SLC5A8: variants seen among roughly 807,000 people sequenced by gnomAD.
SLC5A8 encodes the protein sodium-coupled monocarboxylate transporter 1.
A neutral mutation model predicts 71.9 loss-of-function variants in SLC5A8; 55 were observed. The observed-to-expected ratio is 0.77, with a 90% confidence interval of 0.62 to 0.96. The LOEUF is 0.96. SLC5A8 is among the 40% of genes least tolerant of loss of function. The probability of loss-of-function intolerance (pLI) is 0.00; values close to 1 mark genes in which losing one functional copy is unlikely to be tolerated. For missense variants in SLC5A8, 701 were observed against 745.3 expected, an observed-to-expected ratio of 0.94 and a Z score of 0.69; for synonymous variants, 307 against 276.1, an observed-to-expected ratio of 1.11 and a Z score of -1.11.
chr12:101,174,673 GAT>G, intron 10 of SLC5A8, among the ~76,000 whole-genome samples: 1 of 152,130 alleles, frequency 6.6e-6, no homozygotes, highest in East Asian at 1.9e-4. Context: ...AGCCCTGCAA[GAT>G]ATTTCAGTGG....
Position 101,156,493 on chromosome 12 carries a change from C to A in SLC5A8, c.*786G>T, listed in dbSNP as rs936552628. 6.6e-6 allele frequency: 1 copy of A among 152,108 alleles called. No homozygotes were observed. The highest frequency in any genetic ancestry group is 1.5e-5 in the Non-Finnish European group (1 of 68,030). The allele number at this position is 152,108 out of a possible 1,614,324, so 9.4% of individuals were successfully genotyped here. A position where few individuals can be genotyped will look rare whatever the true frequency, so the allele number is the denominator to read the frequency against. On this transcript the variant is annotated 3_prime_UTR_variant, in exon 15 of 15. Transcript: ENST00000536262. ...ACATATCCAAGCCCAGGGCAATAAA[C>A]AGAAAATTATGAAGACAAGCTCAGT...
intron 12 of SLC5A8, among the ~76,000 whole-genome samples, chr12:101,165,955 A>T (rs972045626): frequency 6.6e-6 from 1 of 152,180 alleles, no homozygotes; most frequent in Admixed American, 6.5e-5. Context: ...TAAATCAGAC[A>T]ACTTCAGCAT....
chr12:101,190,622 A>G lies in SLC5A8; in HGVS notation c.693-14T>C. 1 of 1,589,562 alleles carries G rather than the reference A, an allele frequency of 6.3e-7. No homozygotes were observed. Among genetic ancestry groups the G allele is most frequent in the Non-Finnish European group, 8.5e-7 (1 of 1,172,612 alleles). On this transcript the variant is annotated splice_polypyrimidine_tract_variant and intron_variant, in intron 5 of 14. Transcript: ENST00000536262. ...TTAGGATTAAAACTAAATGACAAGA[A>G]ACAGAAAACAAATCTGAACTATTAG...
At chr12:101,197,311 A>G (rs1278436055) in intron 3 of SLC5A8, among the ~76,000 whole-genome samples, 1 of 152,212 alleles carries the variant, frequency 6.6e-6, no homozygotes, top group Non-Finnish European at 1.5e-5. Context: ...TCCATTTTAT[A>G]AGCCTCAATG....
chr12:101,155,500 T>TTC lies in SLC5A8; in HGVS notation c.*1778_*1779insGA, dbSNP rs2051651063. The TTC allele has an allele frequency of 2.3e-5, 3 of 132,882 alleles. No individual in the cohort carries two copies. Among genetic ancestry groups the TTC allele is most frequent in the Non-Finnish European group, 5.0e-5 (3 of 60,030 alleles). 8.2% of individuals were successfully genotyped at this position (132,882 alleles called of 1,614,324 possible). On this transcript the variant is annotated 3_prime_UTR_variant, in exon 15 of 15. Coordinates refer to ENST00000536262, the MANE Select transcript of SLC5A8 (RefSeq NM_145913.5). ...TCTTTTTTTTTTTTTTTTTTTTTTT[T>TTC]CCCAGAGACAAGATTTCACTCTGTT...
At chr12:101,182,702 T>C (rs570449416) in intron 9 of SLC5A8, 101 bp downstream of exon 9, 3 of 737,282 alleles carry the variant, frequency 4.1e-6, no homozygotes, top group African/African-American at 3.7e-5. Flanking sequence ...TCCAGTCATA[T>C]TCAGAGGTCC....
intron 12 of SLC5A8, among the ~76,000 whole-genome samples, chr12:101,162,440 C>G (rs1254500125): frequency 6.6e-6 from 1 of 152,286 alleles, no homozygotes; most frequent in East Asian, 1.9e-4. Flanking sequence ...GACACGTGCA[C>G]TTATATGTTC....
At chr12:101,196,881 A>T (rs949462646) in intron 3 of SLC5A8, among the ~76,000 whole-genome samples, 5 of 152,218 alleles carry the variant, frequency 3.3e-5, no homozygotes, top group Non-Finnish European at 7.3e-5. Context: ...CAGCCTAATT[A>T]ACTCAGAGTT....
At chr12:101,179,344 G>A (rs141312575) in intron 10 of SLC5A8, among the ~76,000 whole-genome samples, 216 of 152,278 alleles carry the variant, frequency 1.4e-3, no homozygotes, top group African/African-American at 5.0e-3. Flanking sequence ...AAACCTTTAT[G>A]TAATGTTTGT....
intron 10 of SLC5A8, 87 bp from the exon 11 acceptor site, chr12:101,168,269 A>T (rs566533855): frequency 8.0e-7 from 1 of 1,256,082 alleles, no homozygotes; most frequent in South Asian, 1.5e-5. Context: ...TAATGACTTA[A>T]AGTATTCGGC....
At chr12:101,185,108 T>C (rs1385759901) in intron 7 of SLC5A8, among the ~76,000 whole-genome samples, 1 of 152,226 alleles carries the variant, frequency 6.6e-6, no homozygotes, top group African/African-American at 2.4e-5. Flanking sequence ...AGTGTGCTCA[T>C]GGGATATGGA....
intron 3 of SLC5A8, among the ~76,000 whole-genome samples, chr12:101,199,730 GA>G (rs1869355119): frequency 6.6e-6 from 1 of 151,702 alleles, no homozygotes; most frequent in Non-Finnish European, 1.5e-5. Context: ...TAGCCACTTG[GA>G]AAAACTGTTT....
chr12:101,192,149 C>G (rs1047764849), intron 5 of SLC5A8, among the ~76,000 whole-genome samples: 1 of 152,156 alleles, frequency 6.6e-6, no homozygotes, highest in Non-Finnish European at 1.5e-5. Context: ...TCTCAATTGA[C>G]GATCAGTCAA....
chr12:101,163,538 G>A (rs2051741677), intron 12 of SLC5A8, among the ~76,000 whole-genome samples: 1 of 152,186 alleles, frequency 6.6e-6, no homozygotes, highest in Non-Finnish European at 1.5e-5. Context: ...AATTGGCCAG[G>A]TGTGGTGGCA....
At chr12:101,200,056 G>GAAAAAAAAAAAAAAAAAA (rs1869386579) in intron 3 of SLC5A8, among the ~76,000 whole-genome samples, 1 of 24,930 alleles carries the variant, frequency 4.0e-5, no homozygotes, top group Non-Finnish European at 7.3e-5. Context: ...AAAAAAAAAG[G>GAAAAAAAAAAAAAAAAAA]GAATGAACTA....
chr12:101,197,369 A>G (rs1869229566), intron 3 of SLC5A8, among the ~76,000 whole-genome samples: 1 of 152,178 alleles, frequency 6.6e-6, no homozygotes, highest in South Asian at 2.1e-4. Context: ...TAATTTTTCA[A>G]ATGACATTCT....
chr12:101,180,908 T>C (rs921242284), intron 9 of SLC5A8, among the ~76,000 whole-genome samples: 5 of 152,110 alleles, frequency 3.3e-5, no homozygotes, highest in Admixed American at 1.3e-4. Flanking sequence ...TTGTGGAATA[T>C]TTTTTTCTAT....
At chr12:101,194,820 A>G (rs1869090803) in intron 4 of SLC5A8, among the ~76,000 whole-genome samples, 1 of 152,176 alleles carries the variant, frequency 6.6e-6, no homozygotes, top group South Asian at 2.1e-4. Context: ...GAGCACAAAT[A>G]TAATAACTTG....
At position 101,209,606 on chromosome 12, in the gene SLC5A8, A is replaced by C. The variant is rs1199522881; in HGVS notation, c.243T>G (p.Phe81Leu). ...AGGCAAAGATGCTAAAAATGGCCCC[A>C]AAACGGTAGACCTCGGAGGGGGTGC... The part of the protein sequence containing the change: ...VLGTPSEVYR[F>L]GAIFSIFAFT... Residue 81 changes from phenylalanine (F) to leucine (L), a missense_variant, in exon 1 of 15, where the codon TTT becomes TTG. Transcript: ENST00000536262. 5.0e-6 allele frequency: 8 copies of C among 1,614,078 alleles called. No individual in the cohort carries two copies. The highest frequency in any genetic ancestry group is 6.8e-6 in the Non-Finnish European group (8 of 1,180,020).
Sources: gnomAD v4.1 joint callset for allele counts (sites outside exome capture counted in the v4.1 genomes callset) on GRCh38, gnomAD v4.1.1 for gene constraint, MANE v1.5 for transcripts, NCBI Gene and HGNC (gene_info 2026-07-23, HGNC 2026-07-21) for gene names.